ADGRB2: variants seen among roughly 807,000 people sequenced by gnomAD.
The protein encoded by ADGRB2 is brain-specific angiogenesis inhibitor 2.
ADGRB2 carries 47 observed loss-of-function variants against 178.7 expected under a neutral mutation model. That is an observed-to-expected ratio of 0.26 (90% CI 0.21 to 0.34). The LOEUF is 0.34. Among genes scored for constraint, ADGRB2 ranks in the 10% least tolerant of loss-of-function variants. ADGRB2 has a pLI of 1.00. For missense variants in ADGRB2, 1,584 were observed against 2,180.8 expected (o/e 0.73, Z 5.45); for synonymous variants, 870 against 912.4 (o/e 0.95, Z 0.84).
Position 31,728,174 on chromosome 1 carries a change from G to T in ADGRB2, c.4515+8C>A. The T allele has an allele frequency of 6.2e-7, 1 of 1,614,116 alleles. No homozygotes were observed. The highest frequency in any genetic ancestry group is 8.5e-7 in the Non-Finnish European group (1 of 1,180,000). The stretch of plus-strand genomic sequence containing the variant: ...CAGGGCAGGGGCAGCCACGGGAGGA[G>T]CCCTCACCTTGGCCGTGGACTGGCT... On this transcript the variant is annotated splice_region_variant and intron_variant, in intron 31 of 32. Transcript: ENST00000373658. This position sits in a 1 kb window ranked among gnomAD's most constrained non-coding sequence, Gnocchi z 6.7.
chr1:31,732,918 C>G, intron 26 of ADGRB2, 54 bp downstream of exon 26: 2 of 1,526,256 alleles, frequency 1.3e-6, no homozygotes, highest in African/African-American at 1.4e-5. Flanking sequence ...GAGGAGAAGC[C>G]AAGGGCCTGG....
chr1:31,743,982 C>T (rs1646131539), intron 6 of ADGRB2, among the ~76,000 whole-genome samples: 1 of 152,178 alleles, frequency 6.6e-6, no homozygotes, highest in South Asian at 2.1e-4. Context: ...AGAACCGGGC[C>T]CAGTAGCATG....
Position 31,735,541 on chromosome 1 carries a change from A to G in ADGRB2, c.3353+39T>C. The G allele has an allele frequency of 1.2e-6, 2 of 1,600,930 alleles. No individual in the cohort carries two copies. Among genetic ancestry groups the G allele is most frequent in the Non-Finnish European group, 1.7e-6 (2 of 1,168,664 alleles). Reference sequence around the variant, plus strand: ...ACCCATGTCCCTCCCTCCCTGCACCATTTCCAGAAAGGCCAAGTCTCAGAG... The same window carrying G: ...ACCCATGTCCCTCCCTCCCTGCACCGTTTCCAGAAAGGCCAAGTCTCAGAG... On this transcript the variant is annotated intron_variant, in intron 24 of 32. Transcript: ENST00000373658. This position sits in a 1 kb window ranked among gnomAD's most constrained non-coding sequence, Gnocchi z 6.0.
chr1:31,736,650 G>T lies in ADGRB2; in HGVS notation c.3053C>A (p.Ala1018Asp). The T allele has an allele frequency of 6.2e-7, 1 of 1,614,182 alleles. No individual in the cohort carries two copies. The highest frequency in any genetic ancestry group is 8.5e-7 in the Non-Finnish European group (1 of 1,180,002). The change falls in exon 21 of 33, where the codon GCC becomes GAC. Residue 1018 changes from alanine to aspartate, a missense_variant. Transcript: ENST00000373658. ...LSSFCWVLTE[A>D]WQSYLAVIGR... ...AATGACAGCCAGGTAGGACTGCCAG[G>T]CCTCGGTAAGCACCCAGCAAAAGGA...
intron 4 of ADGRB2, among the ~76,000 whole-genome samples, chr1:31,748,478 GAAAC>G (rs1220086064): frequency 6.6e-6 from 1 of 152,278 alleles, no homozygotes; most frequent in Non-Finnish European, 1.5e-5. Context: ...GTCATTTACT[GAAAC>G]AAACACTTAG....
chr1:31,749,678 G>A (rs1174575309), intron 4 of ADGRB2, among the ~76,000 whole-genome samples: 6 of 152,234 alleles, frequency 3.9e-5, no homozygotes, highest in Admixed American at 6.5e-5. Flanking sequence ...TTGGGAAGCC[G>A]AGGAGGGCGG....
chr1:31,739,772 A>C (rs1381173619), intron 14 of ADGRB2, 137 bp from the exon 15 acceptor site: 6 of 1,198,236 alleles, frequency 5.0e-6, no homozygotes, highest in Non-Finnish European at 7.0e-6. Flanking sequence ...ACAAACACAG[A>C]GACAGACATA....
intron 29 of ADGRB2, among the ~76,000 whole-genome samples, chr1:31,730,421 A>C (rs1645218056): frequency 1.3e-5 from 2 of 152,188 alleles, no homozygotes; most frequent in African/African-American, 4.8e-5. Context: ...GAGAAAATGA[A>C]GGCTCACTGA....
At position 31,735,899 on chromosome 1, in the gene ADGRB2, G is replaced by A; in HGVS notation, c.3201-6C>T. On this transcript the variant is annotated splice_region_variant and splice_polypyrimidine_tract_variant and intron_variant, in intron 22 of 32. Transcript: ENST00000373658. This position sits in a 1 kb window ranked among gnomAD's most constrained non-coding sequence, Gnocchi z 6.0. Reference sequence around the variant, plus strand: ...CCTCCAGGGAGAGCCAGCAGCTGGGGTGGGGGAGAAGAAGGGTGTCAGACA... The same window carrying A: ...CCTCCAGGGAGAGCCAGCAGCTGGGATGGGGGAGAAGAAGGGTGTCAGACA... 2 of 1,585,754 alleles carry A rather than the reference G, an allele frequency of 1.3e-6. No individual in the cohort carries two copies. Among genetic ancestry groups the A allele is most frequent in the Non-Finnish European group, 1.7e-6 (2 of 1,165,840 alleles).
At chr1:31,763,844 C>T in intron 1 of ADGRB2, 40 bp downstream of exon 1, 1 of 984,892 alleles carries the variant, frequency 1.0e-6, no homozygotes, top group South Asian at 4.7e-5. Context: ...CGGCAGGGCT[C>T]GGTGCGAGGC....
chr1:31,745,220 C>A (rs1319449625), intron 4 of ADGRB2, among the ~76,000 whole-genome samples: 1 of 152,210 alleles, frequency 6.6e-6, no homozygotes, highest in Non-Finnish European at 1.5e-5. Flanking sequence ...AACATCCAAG[C>A]TGAGCTGCTG....
intron 14 of ADGRB2, 67 bp downstream of exon 14, chr1:31,739,859 G>A (rs1557756875): frequency 6.9e-7 from 1 of 1,446,112 alleles, no homozygotes; most frequent in Non-Finnish European, 9.7e-7. Flanking sequence ...GGGTTAGGTA[G>A]AGGAAAGACA....
chr1:31,737,639 G>C lies in ADGRB2; in HGVS notation c.2876+13C>G, dbSNP rs748029899. 1.4e-5 allele frequency: 23 copies of C among 1,613,604 alleles called. No homozygotes were observed. In the South Asian group the frequency reaches 2.5e-4, roughly 18 times the overall value. On this transcript the variant is annotated intron_variant, in intron 19 of 32. Transcript: ENST00000373658. The stretch of plus-strand genomic sequence containing the variant: ...CCCCTCCCCCAGCCACAAGAGCCAG[G>C]TGTCAGACCTACCTCCAAAAGGCGG...
chr1:31,747,370 T>G (rs1437020174), intron 4 of ADGRB2, among the ~76,000 whole-genome samples: 1 of 152,134 alleles, frequency 6.6e-6, no homozygotes, highest in Non-Finnish European at 1.5e-5. Flanking sequence ...GCTCCATTCC[T>G]GGATATCCTC....
rs900836823 is a variant in ADGRB2, at chr1:31,733,247, G to A, written c.3453-104C>T. On this transcript the variant is annotated intron_variant, in intron 25 of 32. Coordinates refer to ENST00000373658, the MANE Select transcript of ADGRB2 (RefSeq NM_001364857.2). The surrounding 1 kb of genome is among the most constrained non-coding windows in gnomAD (Gnocchi z 4.3). ...GGAGCTCTTCAGCTGCCCAAGACTG[G>A]GAGGGCCCCAAACCCCAGGGCCTCA... 56 of 1,323,582 alleles carry A rather than the reference G, an allele frequency of 4.2e-5. No homozygotes were observed. The highest frequency in any genetic ancestry group is 5.4e-5 in the Non-Finnish European group (53 of 974,196). The allele number at this position is 1,323,582 out of a possible 1,614,324, so 82.0% of individuals were successfully genotyped here.
chr1:31,745,432 G>C (rs1328549776), intron 4 of ADGRB2, among the ~76,000 whole-genome samples: 1 of 152,162 alleles, frequency 6.6e-6, no homozygotes, highest in Non-Finnish European at 1.5e-5. Flanking sequence ...AGGCTACCTT[G>C]ACCCTGGCCC....
In ADGRB2 at chr1:31,744,042, A is replaced by G. The variant is rs1283641761; in HGVS notation, c.1087+151T>C. Reference sequence around the variant, plus strand: ...CCCCAGTGCCCTGCACCGGGCTGGCATGGTACGCAGAGTTGGGCATGGTGT... The same window carrying G: ...CCCCAGTGCCCTGCACCGGGCTGGCGTGGTACGCAGAGTTGGGCATGGTGT... On this transcript the variant is annotated intron_variant, in intron 6 of 32. Transcript: ENST00000373658. This position sits in a 1 kb window ranked among gnomAD's most constrained non-coding sequence, Gnocchi z 6.7. The G allele has an allele frequency of 3.8e-6, 4 of 1,064,032 alleles. No homozygotes were observed. The highest frequency in any genetic ancestry group is 5.3e-6 in the Non-Finnish European group (4 of 755,612). 65.9% of individuals were successfully genotyped at this position (1,064,032 alleles called of 1,614,324 possible). A position where few individuals can be genotyped will look rare whatever the true frequency, so the allele number is the denominator to read the frequency against.
At position 31,738,922 on chromosome 1, in the gene ADGRB2, G is replaced by T; in HGVS notation, c.2511C>A (p.Val837=). 2 of 1,612,670 alleles carry T rather than the reference G, an allele frequency of 1.2e-6. No individual in the cohort carries two copies. Among genetic ancestry groups the T allele is most frequent in the Middle Eastern group, 1.7e-4 (1 of 6,026 alleles). Residue 837 remains valine, a synonymous_variant, in exon 16 of 33, where the codon GTC becomes GTA. Transcript: ENST00000373658. ...ILPPPRPPLA[V]TSRVMTVTVR... ...CAGTCACTGTCATCACCCGGGATGT[G>T]ACGGCCAGCGGGGGCCTGCGGGACA...
Position 31,727,563 on chromosome 1 carries a change from G to C in ADGRB2, c.4615C>G (p.Arg1539Gly), listed in dbSNP as rs544570941. 6.4e-7 allele frequency: 1 copy of C among 1,574,096 alleles called. No individual in the cohort carries two copies. Among genetic ancestry groups the C allele is most frequent in the Non-Finnish European group, 8.6e-7 (1 of 1,166,670 alleles). ...AAGGTGCTCCAGCTCTGATGGCGCC[G>C]ATGTTGGGACAAGCTGGGGCGCTCC... is the stretch of plus-strand genomic sequence containing the variant. ...PGERPSLSQHRRHQSWSTFKS... is the reference protein window; with the variant it reads ...PGERPSLSQHGRHQSWSTFKS... The change falls in exon 33 of 33, where the codon CGG becomes GGG. Residue 1539 changes from arginine (R) to glycine (G), a missense_variant. Physicochemically the swap from Arg to Gly is moderately radical, Grantham distance 125 (BLOSUM62 -2). Transcript: ENST00000373658. This position sits in a 1 kb window ranked among gnomAD's most constrained non-coding sequence, Gnocchi z 4.4.
Sources: gnomAD v4.1 joint callset for allele counts (sites outside exome capture counted in the v4.1 genomes callset) on GRCh38, gnomAD v4.1.1 for gene constraint, Gnocchi (gnomAD v3.1) non-coding constraint, MANE v1.5 for transcripts, NCBI Gene and HGNC (gene_info 2026-07-23, HGNC 2026-07-21) for gene names.